The following ZSWIM5 variants were observed in gnomAD, a reference collection of about 807,000 sequenced individuals.
ZSWIM5 encodes the protein zinc finger SWIM-type containing 5, also known as zinc finger SWIM domain-containing protein 5.
A neutral mutation model predicts 119.6 loss-of-function variants in ZSWIM5; 55 were observed. The ratio of observed to expected loss-of-function variants is 0.46; its 90% confidence interval spans 0.37 to 0.58. The LOEUF (loss-of-function observed/expected upper bound fraction) is 0.58. Ranked by LOEUF, ZSWIM5 falls within the 20% of genes least tolerant of loss-of-function variation. The pLI is 0.00. For synonymous variants in ZSWIM5, 537 were observed against 606.9 expected (o/e 0.88, Z 1.69); for missense variants, 1,193 against 1,512.8 (o/e 0.79, Z 3.51).
intron 1 of ZSWIM5, among the ~76,000 whole-genome samples, chr1:45,195,601 T>C (rs16865925): frequency 0.11 from 17,305 of 152,224 alleles, 1,253 homozygotes; most frequent in Admixed American, 0.23. Flanking sequence ...AGCTTGGCAT[T>C]ACATTAAATA....
At chr1:45,101,184 A>AC (rs1645437672) in intron 1 of ZSWIM5, among the ~76,000 whole-genome samples, 1 of 152,216 alleles carries the variant, frequency 6.6e-6, no homozygotes, top group African/African-American at 2.4e-5. Flanking sequence ...CAAAGAACTT[A>AC]AACAAATTTA....
intron 1 of ZSWIM5, among the ~76,000 whole-genome samples, chr1:45,200,368 T>C (rs1042415291): frequency 6.6e-6 from 1 of 152,196 alleles, no homozygotes; most frequent in Non-Finnish European, 1.5e-5. Flanking sequence ...ATGCTGCCTA[T>C]GTTAGAAAGA....
intron 2 of ZSWIM5, among the ~76,000 whole-genome samples, chr1:45,064,161 A>T (rs528366639): frequency 3.9e-5 from 6 of 152,160 alleles, no homozygotes; most frequent in Admixed American, 1.3e-4. Flanking sequence ...TGTGCTCAGC[A>T]TATAAAGGCA....
chr1:45,137,453 T>G (rs1010275309), intron 1 of ZSWIM5, among the ~76,000 whole-genome samples: 3 of 151,902 alleles, frequency 2.0e-5, no homozygotes, highest in Non-Finnish European at 4.4e-5. Context: ...AGAAGACAAC[T>G]GCTATAGAAA....
intron 1 of ZSWIM5, among the ~76,000 whole-genome samples, chr1:45,193,055 C>G (rs1646101391): frequency 6.6e-6 from 1 of 152,066 alleles, no homozygotes; most frequent in Admixed American, 6.6e-5. Flanking sequence ...ATCCCCTTAT[C>G]AAGCAGTTCG....
At position 45,205,954 on chromosome 1, in the gene ZSWIM5, AAGCCCCCGCGGCGCCGCCAGC is replaced by A. The variant is rs1646187032; in HGVS notation, c.376_396del (p.Ala126_Ala132del). 1 of 1,295,350 alleles carries A rather than the reference AAGCCCCCGCGGCGCCGCCAGC, an allele frequency of 7.7e-7. No individual in the cohort carries two copies. Among genetic ancestry groups the A allele is most frequent in the South Asian group, 2.6e-5 (1 of 38,386 alleles). 80.2% of individuals were successfully genotyped at this position (1,295,350 alleles called of 1,614,324 possible). A position where few individuals can be genotyped will look rare whatever the true frequency, so the allele number is the denominator to read the frequency against. ...GGCTGCGGCCCCTCCTCGGCCGGCGAAGCCCCCGCGGCGCCGCCAGCAGCGCCGGCGCCGGGGCCGCCCCGG... is the reference window on the plus strand; with the variant it reads ...GGCTGCGGCCCCTCCTCGGCCGGCGAAGCGCCGGCGCCGGGGCCGCCCCGG... On this transcript the variant is annotated inframe_deletion, in exon 1 of 14. Coordinates refer to ENST00000359600, the MANE Select transcript of ZSWIM5 (RefSeq NM_020883.2).
chr1:45,206,457 G>A lies in ZSWIM5; in HGVS notation c.-107C>T. ...CGCAAGCGCCCAGCGGTGGCGCCGA[G>A]GGGGGCGGGGCGAGAGAACCCGCGA... On this transcript the variant is annotated 5_prime_UTR_variant, in exon 1 of 14. Transcript: ENST00000359600. The A allele has an allele frequency of 2.5e-6, 3 of 1,213,766 alleles. No homozygotes were observed. Among genetic ancestry groups the A allele is most frequent in the Non-Finnish European group, 3.1e-6 (3 of 976,976 alleles). 75.2% of individuals were successfully genotyped at this position (1,213,766 alleles called of 1,614,324 possible). A position where few individuals can be genotyped will look rare whatever the true frequency, so the allele number is the denominator to read the frequency against.
chr1:45,177,700 C>T (rs1645989664), intron 1 of ZSWIM5, among the ~76,000 whole-genome samples: 1 of 152,046 alleles, frequency 6.6e-6, no homozygotes, highest in African/African-American at 2.4e-5. Context: ...CCCTCCTTCC[C>T]TGTCTCATTT....
At chr1:45,093,474 T>C (rs779004267) in intron 1 of ZSWIM5, among the ~76,000 whole-genome samples, 5 of 152,356 alleles carry the variant, frequency 3.3e-5, no homozygotes, top group Non-Finnish European at 5.9e-5. Flanking sequence ...AGGCTCATGA[T>C]TGATGCTCTT....
intron 1 of ZSWIM5, among the ~76,000 whole-genome samples, chr1:45,095,950 C>T (rs976878969): frequency 3.2e-4 from 48 of 152,082 alleles, no homozygotes; most frequent in African/African-American, 1.1e-3. Flanking sequence ...TTAACAAAAA[C>T]AGTAACAGAA....
At chr1:45,191,359 G>A (rs1017828197) in intron 1 of ZSWIM5, among the ~76,000 whole-genome samples, 2 of 152,222 alleles carry the variant, frequency 1.3e-5, no homozygotes, top group Non-Finnish European at 2.9e-5. Flanking sequence ...ACAGTTGGAA[G>A]CTGTCTGATG....
chr1:45,035,848 T>C, intron 9 of ZSWIM5, 25 bp from the exon 10 acceptor site: 3 of 1,610,650 alleles, frequency 1.9e-6, no homozygotes, highest in Non-Finnish European at 2.5e-6. Flanking sequence ...GCCAGCCAGT[T>C]ATTTATCTGT....
chr1:45,151,550 T>C (rs1645796970), intron 1 of ZSWIM5, among the ~76,000 whole-genome samples: 2 of 152,082 alleles, frequency 1.3e-5, no homozygotes, highest in Admixed American at 6.6e-5. Flanking sequence ...TAATTGCATA[T>C]AATTATTATA....
intron 1 of ZSWIM5, among the ~76,000 whole-genome samples, chr1:45,192,037 G>A (rs1646095961): frequency 6.6e-6 from 1 of 152,126 alleles, no homozygotes; most frequent in Middle Eastern, 3.2e-3. Context: ...ACAGGCCCTA[G>A]AAACCACTAA....
chr1:45,184,242 T>C (rs12742175), intron 1 of ZSWIM5, among the ~76,000 whole-genome samples: 18 of 152,126 alleles, frequency 1.2e-4, no homozygotes, highest in Admixed American at 3.3e-4. Flanking sequence ...ATTGATGGGA[T>C]GTATCTCAAA....
intron 1 of ZSWIM5, among the ~76,000 whole-genome samples, chr1:45,163,921 C>T (rs1645882115): frequency 6.6e-6 from 1 of 152,142 alleles, no homozygotes; most frequent in African/African-American, 2.4e-5. Flanking sequence ...GGAGAACTTC[C>T]CCAACCTAGC....
At chr1:45,089,578 C>T (rs531675119) in intron 1 of ZSWIM5, among the ~76,000 whole-genome samples, 66 of 152,234 alleles carry the variant, frequency 4.3e-4, no homozygotes, top group African/African-American at 1.5e-3. Context: ...TGTGACAGAC[C>T]TGAGATTTGG....
In ZSWIM5 at chr1:45,030,139, T is replaced by TC. The variant is rs551443672; in HGVS notation, c.2449+4172dup. Among the ~76,000 whole-genome samples, 716 of 152,236 alleles carry TC rather than the reference T, an allele frequency of 4.7e-3. 3 individuals carry two copies. The highest frequency in any genetic ancestry group is 8.1e-3 in the East Asian group (42 of 5,176). The stretch of plus-strand genomic sequence containing the variant: ...TTTAAATTTTTGCAGAGACAGGGTC[T>TC]CACTATGTTGCCCAGGCTGGTCTCA... On this transcript the variant is annotated intron_variant, in intron 11 of 13. Transcript: ENST00000359600.
At chr1:45,132,042 A>C (rs1225890155) in intron 1 of ZSWIM5, among the ~76,000 whole-genome samples, 1 of 149,986 alleles carries the variant, frequency 6.7e-6, no homozygotes, top group East Asian at 1.9e-4. Context: ...AAAGATCAAA[A>C]AATTTTAGAA....
Sources: allele counts gnomAD v4.1 joint callset (sites outside exome capture counted in the v4.1 genomes callset), GRCh38; gene constraint gnomAD v4.1.1; transcripts MANE v1.5; gene names NCBI Gene and HGNC (gene_info 2026-07-23, HGNC 2026-07-21).